Variants in TASOR2 observed in about 807,000 individuals in gnomAD.
The protein encoded by TASOR2 is transcription activation suppressor family member 2, also known as protein TASOR 2.
In TASOR2, 84 loss-of-function variants were observed where a neutral mutation model predicts 199.5. The observed-to-expected ratio is 0.42, with a 90% CI of 0.35 to 0.50. The LOEUF is 0.50. Ranked by LOEUF, TASOR2 falls within the 20% of genes least tolerant of loss-of-function variation. The probability of loss-of-function intolerance (pLI) is 0.02; values close to 1 mark genes in which losing one functional copy is unlikely to be tolerated. For missense variants in TASOR2, 2,796 were observed against 2,835.9 expected (o/e 0.99, Z 0.32); for synonymous variants, 1,103 against 1,046.6 (o/e 1.05, Z -1.04).
rs112661375 is a variant in TASOR2, at chr10:5,736,802, G to A, written c.1447+1256G>A. Among the ~76,000 whole-genome samples, 1,312 of 151,998 alleles carry A rather than the reference G, an allele frequency of 8.6e-3. 18 individuals carry two copies. The highest frequency in any genetic ancestry group is 0.029 in the African/African-American group (1,190 of 41,478). On this transcript the variant is annotated intron_variant, in intron 12 of 20. Coordinates refer to ENST00000328090, the Ensembl canonical transcript of TASOR2. Reference sequence around the variant, plus strand: ...GTATTGATTTTTTTGTGGTGTGTGTGTATTTTTTTTGTTTTGTTTAACGGA... The same window carrying A: ...GTATTGATTTTTTTGTGGTGTGTGTATATTTTTTTTGTTTTGTTTAACGGA...
chr10:5,711,948 T>C (rs1202053248), intron 1 of TASOR2, among the ~76,000 whole-genome samples: 1 of 151,870 alleles, frequency 6.6e-6, no homozygotes, highest in East Asian at 1.9e-4. Context: ...GACTTAGGGA[T>C]TTAATGAAAA....
chr10:5,718,472 G>T (rs1417793491), intron 3 of TASOR2, among the ~76,000 whole-genome samples: 1 of 151,790 alleles, frequency 6.6e-6, no homozygotes, highest in Non-Finnish European at 1.5e-5. Flanking sequence ...GAGAGGCCAG[G>T]CTCTGTGGCT....
intron 10 of TASOR2, among the ~76,000 whole-genome samples, chr10:5,728,962 A>C (rs146146729): frequency 6.6e-6 from 1 of 151,566 alleles, no homozygotes; most frequent in Non-Finnish European, 1.5e-5. Flanking sequence ...CAGGTATTTC[A>C]TTAAAAGATT....
intron 7 of TASOR2, 75 bp from the exon 9 acceptor site, chr10:5,724,355 T>C (rs1326972665): frequency 9.2e-6 from 6 of 652,534 alleles, no homozygotes; most frequent in African/African-American, 8.0e-5. Context: ...TTGCAACATA[T>C]AAAATGAACA....
chr10:5,702,704 G>A (rs1259909022), intron 1 of TASOR2, among the ~76,000 whole-genome samples: 1 of 136,258 alleles, frequency 7.3e-6, no homozygotes, highest in Non-Finnish European at 1.5e-5. Context: ...GATCCAAAAC[G>A]GGCAAAACTG....
At chr10:5,724,784 C>T (rs1390234630) in intron 8 of TASOR2, among the ~76,000 whole-genome samples, 1 of 151,030 alleles carries the variant, frequency 6.6e-6, no homozygotes, top group Non-Finnish European at 1.5e-5. Flanking sequence ...GTTCCAAGAC[C>T]CCCAGTGGAT....
chr10:5,735,161 A>G, intron 11 of TASOR2, 143 bp from the exon 13 acceptor site: 1 of 946,094 alleles, frequency 1.1e-6, no homozygotes, highest in South Asian at 1.9e-5. Context: ...TCTTTTAATT[A>G]AATACCTGAA....
chr10:5,729,113 C>G lies in TASOR2; in HGVS notation c.488-1374C>G, dbSNP rs181135022. On this transcript the variant is annotated intron_variant, in intron 10 of 20. Coordinates refer to ENST00000328090, the Ensembl canonical transcript of TASOR2. ...CCTGTAATCCCAGCACTTTGGGAGGCCAAGGCGGGCGGATCACTTGAGGCC... is the reference window on the plus strand; with the variant it reads ...CCTGTAATCCCAGCACTTTGGGAGGGCAAGGCGGGCGGATCACTTGAGGCC... Among the ~76,000 whole-genome samples, 130 of 152,264 alleles carry G rather than the reference C, an allele frequency of 8.5e-4. 1 individual carries two copies. Among genetic ancestry groups the G allele is most frequent in the Middle Eastern group, 6.8e-3 (2 of 292 alleles).
intron 1 of TASOR2, among the ~76,000 whole-genome samples, chr10:5,695,652 T>G (rs906270145): frequency 6.6e-6 from 1 of 152,148 alleles, no homozygotes; most frequent in East Asian, 1.9e-4. Context: ...AAGTCTCTCT[T>G]AAGATTATAG....
intron 2 of TASOR2, 77 bp from the exon 3 acceptor site, chr10:5,714,058 T>A (rs114548935): frequency 2.5e-5 from 15 of 609,330 alleles, no homozygotes; most frequent in African/African-American, 7.8e-5. Context: ...AAAATAAAAT[T>A]AAAAAAAAAA....
intron 2 of TASOR2, among the ~76,000 whole-genome samples, chr10:5,716,390 G>A (rs1832640156): frequency 1.3e-5 from 2 of 151,982 alleles, no homozygotes; most frequent in Admixed American, 6.6e-5. Context: ...ATAATGAGTG[G>A]AACCACTGGG....
intron 19 of TASOR2, 34 bp downstream of exon 20, chr10:5,761,505 C>CA (rs769332621): frequency 6.3e-7 from 1 of 1,584,340 alleles, no homozygotes; most frequent in African/African-American, 1.3e-5. Flanking sequence ...CAGTTAATGC[C>CA]AAAATTGGTC....
rs775112538 is a variant in TASOR2 at position 5,748,797 on chromosome 10, A to T, written c.5376A>T (p.Val1792=). Residue 1792 remains valine (V), a synonymous_variant, in exon 15 of 21, where the codon GTA becomes GTT. Coordinates refer to ENST00000328090, the Ensembl canonical transcript of TASOR2. The surrounding 1 kb of genome is among the most constrained non-coding windows in gnomAD (Gnocchi z 5.1). ...TTTGTGGAATAGCCACAGAGCACGTAGAAATTGAGAACAGTGGGGAGGGGC... is the reference window on the plus strand; with the variant it reads ...TTTGTGGAATAGCCACAGAGCACGTTGAAATTGAGAACAGTGGGGAGGGGC... The T allele has an allele frequency of 6.2e-7, 1 of 1,614,200 alleles. No individual in the cohort carries two copies. The highest frequency in any genetic ancestry group is 1.7e-5 in the Admixed American group (1 of 60,018).
intron 11 of TASOR2, 91 bp downstream of exon 12, chr10:5,731,294 C>A: frequency 8.1e-7 from 1 of 1,229,654 alleles, no homozygotes; most frequent in Non-Finnish European, 1.1e-6. Flanking sequence ...CTTTGGGAAA[C>A]CAAGTGGGTG....
At chr10:5,746,378 G>T in exon 15 of TASOR2, 1 of 1,614,136 alleles carries the variant, frequency 6.2e-7, no homozygotes, top group Non-Finnish European at 8.5e-7. Flanking sequence ...GGGCCTGGCA[G>T]TCAGCCAGTG....
chr10:5,736,238 G>T (rs568689254), intron 12 of TASOR2, among the ~76,000 whole-genome samples: 1 of 152,128 alleles, frequency 6.6e-6, no homozygotes, highest in Admixed American at 6.5e-5. Context: ...GACCAACATG[G>T]AGAAACCCTG....
At chr10:5,714,354 A>G (rs746575833) in intron 2 of TASOR2, 147 bp downstream of exon 3, 2 of 435,316 alleles carry the variant, frequency 4.6e-6, no homozygotes, top group Non-Finnish European at 7.6e-6. Context: ...TCTAACTTTA[A>G]ACATATGAAT....
chr10:5,697,527 C>T (rs1175510310), intron 1 of TASOR2, among the ~76,000 whole-genome samples: 3 of 152,058 alleles, frequency 2.0e-5, no homozygotes, highest in Non-Finnish European at 1.5e-5. Context: ...CTGGGTGGGG[C>T]ATGGGGGAGG....
chr10:5,751,679 G>A lies in TASOR2; in HGVS notation c.6606+1652G>A, dbSNP rs1159201940. On this transcript the variant is annotated intron_variant, in intron 15 of 20. Transcript: ENST00000328090. This position sits in a 1 kb window ranked among gnomAD's most constrained non-coding sequence, Gnocchi z 5.3. ...TTGAAGTCAAGCATTTCTCCAAGGA[G>A]CTGTGACTCTTTAGTGAAGAATGGC... 2.6e-5 allele frequency among the ~76,000 whole-genome samples: 4 copies of A among 152,180 alleles called. No individual in the cohort carries two copies. Among genetic ancestry groups the A allele is most frequent in the African/African-American group, 9.6e-5 (4 of 41,452 alleles).
Sources: allele counts gnomAD v4.1 joint callset (sites outside exome capture counted in the v4.1 genomes callset), GRCh38; gene constraint gnomAD v4.1.1; non-coding constraint Gnocchi (gnomAD v3.1); transcripts MANE v1.5; gene names NCBI Gene and HGNC (gene_info 2026-07-23, HGNC 2026-07-21).